CSTPP1: variants seen among roughly 807,000 people sequenced by gnomAD.
CSTPP1 encodes the protein UPF0705 protein C11orf49.
chr11:47,013,241 G>GTTGTT, the CSTPP1 span, among the ~76,000 whole-genome samples: 5 of 147,504 alleles, frequency 3.4e-5, no homozygotes, highest in Admixed American at 6.7e-5. Flanking sequence ...ATTTATTGTT[G>GTTGTT]TTGTTTTGTT....
the CSTPP1 span, chr11:47,157,132 C>T: frequency 1.2e-6 from 2 of 1,614,018 alleles, no homozygotes; most frequent in Non-Finnish European, 1.7e-6. Flanking sequence ...AACGACCTGC[C>T]TTGGGCGGGG....
chr11:46,993,884 C>T, the CSTPP1 span, among the ~76,000 whole-genome samples: 112 of 152,234 alleles, frequency 7.4e-4, 1 homozygote, highest in African/African-American at 2.5e-3. Flanking sequence ...GCCATTTTCA[C>T]GATATTGATT....
the CSTPP1 span, among the ~76,000 whole-genome samples, chr11:47,047,808 C>T: frequency 3.3e-5 from 5 of 152,144 alleles, no homozygotes; most frequent in Non-Finnish European, 7.3e-5. Context: ...ACTCCTGCAA[C>T]TCAACAACAA....
chr11:47,046,247 T>A, the CSTPP1 span, among the ~76,000 whole-genome samples: 5 of 145,716 alleles, frequency 3.4e-5, no homozygotes, highest in South Asian at 1.1e-3. Flanking sequence ...TACATGGTCC[T>A]ATGCATAAAA....
the CSTPP1 span, chr11:47,155,328 TGCCCATCTGTGTGCCTG>T: frequency 7.4e-7 from 1 of 1,347,454 alleles, no homozygotes; most frequent in South Asian, 1.2e-5. Context: ...CCTGCTGCCC[TGCCCATCTGTGTGCCTG>T]GCACACACGT....
the CSTPP1 span, among the ~76,000 whole-genome samples, chr11:47,070,565 C>T: frequency 3.3e-5 from 5 of 152,218 alleles, no homozygotes; most frequent in Middle Eastern, 3.4e-3. Flanking sequence ...AAACATTAAG[C>T]GGTTTCAACC....
the CSTPP1 span, among the ~76,000 whole-genome samples, chr11:47,016,412 A>AAC: frequency 1.4e-5 from 2 of 141,616 alleles, no homozygotes; most frequent in African/African-American, 5.8e-5. Flanking sequence ...AACAAAAAAC[A>AAC]AAAAAAAAAC....
the CSTPP1 span, chr11:47,052,682 C>T: frequency 1.1e-5 from 10 of 896,548 alleles, no homozygotes; most frequent in Non-Finnish European, 1.6e-5. Context: ...CTATTCAAGG[C>T]ATTTAGAATA....
chr11:47,134,880 A>G, the CSTPP1 span, among the ~76,000 whole-genome samples: 1 of 152,060 alleles, frequency 6.6e-6, no homozygotes, highest in African/African-American at 2.4e-5. Flanking sequence ...TAATCCCAAC[A>G]CTTTGGGAAG....
the CSTPP1 span, chr11:47,161,187 G>A: frequency 6.3e-5 from 102 of 1,614,112 alleles, no homozygotes; most frequent in Non-Finnish European, 7.8e-5. Flanking sequence ...GAGCTGGAAC[G>A]GCTGTAAGTG....
the CSTPP1 span, among the ~76,000 whole-genome samples, chr11:47,078,882 C>T: frequency 2.0e-5 from 3 of 152,124 alleles, no homozygotes; most frequent in South Asian, 2.1e-4. Flanking sequence ...CCAGTAGCCA[C>T]GAGTGTCCAG....
the CSTPP1 span, among the ~76,000 whole-genome samples, chr11:47,139,189 T>G: frequency 6.6e-6 from 1 of 152,180 alleles, no homozygotes; most frequent in Non-Finnish European, 1.5e-5. Flanking sequence ...TGATCCTTTG[T>G]GGTTTCTGTG....
At chr11:47,038,175 A>G in the CSTPP1 span, among the ~76,000 whole-genome samples, 7 of 59,396 alleles carry the variant, frequency 1.2e-4, no homozygotes, top group Admixed American at 3.7e-4. Context: ...CCTCCCTCCC[A>G]GACGGGGCGG....
chr11:46,999,219 G>A, the CSTPP1 span, among the ~76,000 whole-genome samples: 1 of 150,620 alleles, frequency 6.6e-6, no homozygotes. Context: ...AGCCTTACAT[G>A]ATAATAATAA....
chr11:47,048,874 G>C, the CSTPP1 span, among the ~76,000 whole-genome samples: 50,443 of 152,128 alleles, frequency 0.33, 10,311 homozygotes, highest in Non-Finnish European at 0.44. Context: ...AATTTAAAAA[G>C]AGATAGATTC....
chr11:46,952,589 C>T, the CSTPP1 span, among the ~76,000 whole-genome samples: 5 of 152,272 alleles, frequency 3.3e-5, no homozygotes, highest in African/African-American at 1.2e-4. Context: ...ATGTGCTGGT[C>T]AGTATTTGGT....
chr11:47,015,811 T>C, the CSTPP1 span, among the ~76,000 whole-genome samples: 1 of 152,112 alleles, frequency 6.6e-6, no homozygotes, highest in Non-Finnish European at 1.5e-5. Flanking sequence ...ATGCATGTGG[T>C]GGTTTCACAT....
chr11:47,061,934 A>G, the CSTPP1 span, among the ~76,000 whole-genome samples: 1 of 151,346 alleles, frequency 6.6e-6, no homozygotes, highest in African/African-American at 2.4e-5. Flanking sequence ...TTTTTTTTCA[A>G]TGTTGGTTAT....
chr11:47,129,988 G>A, the CSTPP1 span, among the ~76,000 whole-genome samples: 1 of 152,144 alleles, frequency 6.6e-6, no homozygotes, highest in African/African-American at 2.4e-5. Flanking sequence ...GCCGGGTGCG[G>A]TGGCTCACGC....
Sources: allele counts gnomAD v4.1 joint callset (sites outside exome capture counted in the v4.1 genomes callset), GRCh38; gene constraint gnomAD v4.1.1; transcripts MANE v1.5; gene names NCBI Gene and HGNC (gene_info 2026-07-23, HGNC 2026-07-21).